PGBD5: variants seen among roughly 807,000 people sequenced by gnomAD.
The protein encoded by PGBD5 is piggyBac transposable element-derived protein 5.
PGBD5 carries 14 observed loss-of-function variants against 47.9 expected under a neutral mutation model. The observed-to-expected ratio is 0.29, with a 90% CI of 0.19 to 0.46. The LOEUF (loss-of-function observed/expected upper bound fraction) is 0.46. Ranked by LOEUF, PGBD5 falls within the 20% of genes least tolerant of loss-of-function variation. The pLI, the probability that PGBD5 is intolerant of heterozygous loss-of-function variation, is 1.00. For synonymous variants in PGBD5, 316 were observed against 306.3 expected, an observed-to-expected ratio of 1.03 and a Z score of -0.33; for missense variants, 635 against 716.0, an observed-to-expected ratio of 0.89 and a Z score of 1.29.
At position 230,362,388 on chromosome 1, in the gene PGBD5, G is replaced by C. The variant is rs1166729500; in HGVS notation, c.332-5067C>G. 6.6e-6 allele frequency: 9 copies of C among 1,362,040 alleles called. No individual in the cohort carries two copies. In the South Asian group the frequency reaches 6.9e-5, roughly 10 times the overall value. The allele number at this position is 1,362,040 out of a possible 1,614,324, so 84.4% of individuals were successfully genotyped here. On this transcript the variant is annotated intron_variant, in intron 1 of 6. Transcript: ENST00000391860. ...GTCGCTGCCTCTGGCCTGGATGACAGACAGTTGTGGAGGCTTGCCGGGGAA... is the reference window on the plus strand; with the variant it reads ...GTCGCTGCCTCTGGCCTGGATGACACACAGTTGTGGAGGCTTGCCGGGGAA...
intron 1 of PGBD5, among the ~76,000 whole-genome samples, chr1:230,412,684 G>A (rs553936042): frequency 5.9e-5 from 9 of 152,160 alleles, no homozygotes; most frequent in East Asian, 1.9e-4. Context: ...CACCGCGCCC[G>A]GCCCATCCTA....
At chr1:230,334,980 C>A (rs1667279281) in intron 4 of PGBD5, among the ~76,000 whole-genome samples, 1 of 151,962 alleles carries the variant, frequency 6.6e-6, no homozygotes, top group African/African-American at 2.4e-5. Flanking sequence ...CCTCTAGCAT[C>A]CCCACTCCAC....
intron 2 of PGBD5, among the ~76,000 whole-genome samples, chr1:230,356,446 G>A (rs1049737894): frequency 1.3e-5 from 2 of 152,170 alleles, no homozygotes; most frequent in African/African-American, 2.4e-5. Flanking sequence ...GTGGGCATAA[G>A]TAACCCCCGA....
intron 1 of PGBD5, among the ~76,000 whole-genome samples, chr1:230,410,294 C>T (rs1657385516): frequency 6.6e-6 from 1 of 152,072 alleles, no homozygotes; most frequent in South Asian, 2.1e-4. Flanking sequence ...AGTTATTTCT[C>T]AAATGAGAAT....
At chr1:230,406,844 A>G (rs1331184125) in intron 1 of PGBD5, among the ~76,000 whole-genome samples, 1 of 152,154 alleles carries the variant, frequency 6.6e-6, no homozygotes, top group African/African-American at 2.4e-5. Context: ...TGACAACATC[A>G]CTTTTTTTGA....
intron 3 of PGBD5, among the ~76,000 whole-genome samples, chr1:230,349,093 G>C (rs1471109836): frequency 6.6e-6 from 1 of 152,196 alleles, no homozygotes; most frequent in Non-Finnish European, 1.5e-5. Flanking sequence ...ATAAATTTGG[G>C]AACGAATCTG....
At chr1:230,367,632 A>G (rs1267910277) in intron 1 of PGBD5, among the ~76,000 whole-genome samples, 1 of 152,196 alleles carries the variant, frequency 6.6e-6, no homozygotes, top group Non-Finnish European at 1.5e-5. Context: ...CAGGAGGCTG[A>G]GGCTATAGTG....
At chr1:230,384,782 G>GCCGTTGCAGCA (rs1656594812) in intron 1 of PGBD5, among the ~76,000 whole-genome samples, 2 of 152,100 alleles carry the variant, frequency 1.3e-5, no homozygotes, top group African/African-American at 2.4e-5. Context: ...TCTGCACTCA[G>GCCGTTGCAGCA]GTGCTTAATT....
At chr1:230,394,384 C>T (rs1394241167) in intron 1 of PGBD5, among the ~76,000 whole-genome samples, 1 of 151,724 alleles carries the variant, frequency 6.6e-6, no homozygotes, top group African/African-American at 2.4e-5. Context: ...CATTGTCAGG[C>T]ACTGCTAATG....
chr1:230,360,368 TGGAGGGAG>T (rs749608701), intron 1 of PGBD5, among the ~76,000 whole-genome samples: 52 of 144,610 alleles, frequency 3.6e-4, no homozygotes, highest in Admixed American at 1.1e-3. Flanking sequence ...CTGTGACCTG[TGGAGGGAG>T]GGAGGGAGGG....
rs1013674535 is a variant in PGBD5, at chr1:230,357,991, T to C, written c.332-670A>G. ...ACATACACACACATACATACATACA[T>C]ACACAGGCACACACACATATATACA... On this transcript the variant is annotated intron_variant, in intron 1 of 6. Coordinates refer to ENST00000391860, the MANE Select transcript of PGBD5 (RefSeq NM_001258311.2). The surrounding 1 kb of genome is among the most constrained non-coding windows in gnomAD (Gnocchi z 5.7). 6.6e-6 allele frequency among the ~76,000 whole-genome samples: 1 copy of C among 151,432 alleles called. No homozygotes were observed. The highest frequency in any genetic ancestry group is 1.5e-5 in the Non-Finnish European group (1 of 67,934).
intron 4 of PGBD5, among the ~76,000 whole-genome samples, chr1:230,335,268 AAC>A (rs770487833): frequency 7.8e-4 from 1 of 1,274 alleles, no homozygotes; most frequent in East Asian, 0.016. Flanking sequence ...CACAGACACA[AAC>A]ACAGACGCAC....
At chr1:230,408,427 G>C (rs2102747870) in intron 1 of PGBD5, among the ~76,000 whole-genome samples, 1 of 152,256 alleles carries the variant, frequency 6.6e-6, no homozygotes, top group South Asian at 2.1e-4. Flanking sequence ...AAGAATTCCT[G>C]ATATAGAAGG....
intron 1 of PGBD5, among the ~76,000 whole-genome samples, chr1:230,380,684 C>G (rs1656442449): frequency 2.6e-5 from 4 of 152,216 alleles, no homozygotes; most frequent in Non-Finnish European, 5.9e-5. Flanking sequence ...CAAATGCACA[C>G]CTGGTGAAGA....
At chr1:230,387,886 C>T (rs1159129417) in intron 1 of PGBD5, among the ~76,000 whole-genome samples, 1 of 152,094 alleles carries the variant, frequency 6.6e-6, no homozygotes, top group East Asian at 1.9e-4. Flanking sequence ...AGGAATACGC[C>T]GTAGGGTTAC....
intron 3 of PGBD5, among the ~76,000 whole-genome samples, chr1:230,340,501 G>T (rs16851522): frequency 6.6e-6 from 1 of 152,018 alleles, no homozygotes; most frequent in Non-Finnish European, 1.5e-5. Flanking sequence ...ACACTCAAGC[G>T]GCTATTTCTG....
chr1:230,426,082 G>T lies in PGBD5; in HGVS notation c.-154C>A, dbSNP rs1657778405. The T allele has an allele frequency of 4.4e-6, 1 of 229,868 alleles. No individual in the cohort carries two copies. Among genetic ancestry groups the T allele is most frequent in the Non-Finnish European group, 7.0e-6 (1 of 142,796 alleles). 14.2% of individuals were successfully genotyped at this position (229,868 alleles called of 1,614,324 possible). ...GCCCGGCCGGCCCGCCGTCTTGGCC[G>T]CCTCGGGCCCAGCGCCCGGGGAAGC... On this transcript the variant is annotated 5_prime_UTR_variant, in exon 1 of 7. Transcript: ENST00000391860.
At position 230,323,216 on chromosome 1, in the gene PGBD5, C is replaced by G; in HGVS notation, c.*209G>C. 1.7e-6 allele frequency: 1 copy of G among 580,708 alleles called. No homozygotes were observed. Among genetic ancestry groups the G allele is most frequent in the Middle Eastern group, 4.7e-4 (1 of 2,138 alleles). The allele number at this position is 580,708 out of a possible 1,614,324, so 36.0% of individuals were successfully genotyped here. On this transcript the variant is annotated 3_prime_UTR_variant, in exon 7 of 7. Transcript: ENST00000391860. The surrounding 1 kb of genome is among the most constrained non-coding windows in gnomAD (Gnocchi z 4.1). Reference sequence around the variant, plus strand: ...TCATCACACCGGCGGCACTGTTTCTCGAGGGAGGACATGCTCTTCTTGGAA... The same window carrying G: ...TCATCACACCGGCGGCACTGTTTCTGGAGGGAGGACATGCTCTTCTTGGAA...
chr1:230,370,600 C>CT (rs1277587310), intron 1 of PGBD5, among the ~76,000 whole-genome samples: 1 of 152,168 alleles, frequency 6.6e-6, no homozygotes, highest in African/African-American at 2.4e-5. Flanking sequence ...AAAGAGGAAA[C>CT]TGAGTCAGAG....
Sources: gnomAD v4.1 joint callset for allele counts (sites outside exome capture counted in the v4.1 genomes callset) on GRCh38, gnomAD v4.1.1 for gene constraint, Gnocchi (gnomAD v3.1) non-coding constraint, MANE v1.5 for transcripts, NCBI Gene and HGNC (gene_info 2026-07-23, HGNC 2026-07-21) for gene names.